SELENOT: variants seen among roughly 807,000 people sequenced by gnomAD.
SELENOT encodes the protein thioredoxin reductase-like selenoprotein T.
In SELENOT, 9 loss-of-function variants were observed where a neutral mutation model predicts 24.3. The observed-to-expected ratio is 0.37, with a 90% CI of 0.22 to 0.65. The LOEUF (loss-of-function observed/expected upper bound fraction) is 0.65, where lower values mean the gene tolerates loss of function less well. SELENOT is among the 30% of genes least tolerant of loss of function. The pLI is 0.60. For synonymous variants in SELENOT, 81 were observed against 86.0 expected (o/e 0.94, Z 0.32); for missense variants, 166 against 247.6 (o/e 0.67, Z 2.21).
intron 1 of SELENOT, among the ~76,000 whole-genome samples, chr3:150,607,957 T>C (rs1726003436): frequency 6.6e-6 from 1 of 152,110 alleles, no homozygotes; most frequent in Admixed American, 6.5e-5. Context: ...AGGCAAGAGA[T>C]AATGGAACTT....
At chr3:150,619,047 T>C (rs966000880) in intron 1 of SELENOT, 4 of 151,302 alleles carry the variant, frequency 2.6e-5, no homozygotes, top group Admixed American at 2.6e-4. Flanking sequence ...ATTTGCAAAG[T>C]GATAGCACTT....
chr3:150,624,766 A>G, intron 3 of SELENOT, 46 bp from the exon 4 acceptor site: 3 of 1,222,596 alleles, frequency 2.5e-6, no homozygotes, highest in South Asian at 1.4e-5. Context: ...AAGAGCATTT[A>G]CCAAACATGA....
chr3:150,610,447 C>G (rs558560444), intron 1 of SELENOT, among the ~76,000 whole-genome samples: 2 of 152,248 alleles, frequency 1.3e-5, no homozygotes, highest in East Asian at 3.9e-4. Context: ...TTCAATCAGT[C>G]TATTAGACTG....
At chr3:150,616,435 T>G (rs1191432679) in intron 1 of SELENOT, among the ~76,000 whole-genome samples, 1 of 142,884 alleles carries the variant, frequency 7.0e-6, no homozygotes, top group Admixed American at 7.0e-5. Flanking sequence ...GGGAGAAAAT[T>G]TTCACAACCT....
chr3:150,612,308 G>C lies in SELENOT; in HGVS notation c.137+8809G>C, dbSNP rs377348419. ...GGGTTTCGGCATGTTTATCAGGCTGGTCTCAAACTCCTGACCCTAAGTGAT... is the reference window on the plus strand; with the variant it reads ...GGGTTTCGGCATGTTTATCAGGCTGCTCTCAAACTCCTGACCCTAAGTGAT... On this transcript the variant is annotated intron_variant, in intron 1 of 5. Coordinates refer to ENST00000471696, the MANE Select transcript of SELENOT (RefSeq NM_016275.5). Among the ~76,000 whole-genome samples the C allele has an allele frequency of 4.6e-5, 7 of 152,230 alleles. No individual in the cohort carries two copies. The South Asian group carries it at 1.4e-3, about 32-fold the overall frequency.
At position 150,603,871 on chromosome 3, in the gene SELENOT, G is replaced by A. The variant is rs141931069; in HGVS notation, c.137+372G>A. 3.8e-3 allele frequency among the ~76,000 whole-genome samples: 573 copies of A among 152,386 alleles called. 2 individuals carry two copies. The highest frequency in any genetic ancestry group is 0.01 in the Middle Eastern group (3 of 294). On this transcript the variant is annotated intron_variant, in intron 1 of 5. Coordinates refer to ENST00000471696, the MANE Select transcript of SELENOT (RefSeq NM_016275.5). ...ATGGGGATGAGTAGGCGCCGCGTCG[G>A]CGGAGGAGCGCCAACCGTTTGTCAG...
Position 150,603,392 on chromosome 3 carries a change from G to C in SELENOT, c.30G>C (p.Ala10=). 6.2e-7 allele frequency: 1 copy of C among 1,613,000 alleles called. No homozygotes were observed. The highest frequency in any genetic ancestry group is 8.5e-7 in the Non-Finnish European group (1 of 1,179,224). MRLLLLLLV[A]ASAMVRSEAS... is the part of the protein sequence containing the mutation. ...GGCTTCTGCTGCTTCTCCTAGTGGC[G>C]GCGTCTGCGATGGTCCGGAGCGAGG... Residue 10 remains alanine, a synonymous_variant, in exon 1 of 6, where the codon GCG becomes GCC. Coordinates refer to ENST00000471696, the MANE Select transcript of SELENOT (RefSeq NM_016275.5).
At chr3:150,617,773 TAAAAAAAAAC>T (rs1726250628) in intron 1 of SELENOT, among the ~76,000 whole-genome samples, 3 of 128,732 alleles carry the variant, frequency 2.3e-5, no homozygotes, top group Admixed American at 7.7e-5. Flanking sequence ...TTATGCAACT[TAAAAAAAAAC>T]AAAAAAAAAC....
chr3:150,611,140 A>T (rs1726080823), intron 1 of SELENOT: 5 of 612,810 alleles, frequency 8.2e-6, no homozygotes, highest in East Asian at 5.9e-5. Context: ...TATTAGAGTC[A>T]GAAACAAAGA....
intron 1 of SELENOT, 41 bp from the exon 2 acceptor site, chr3:150,622,344 G>A (rs903330891): frequency 5.3e-6 from 5 of 950,340 alleles, no homozygotes; most frequent in African/African-American, 3.4e-5. Flanking sequence ...AAATCTAGAT[G>A]TATGCTAAAT....
intron 3 of SELENOT, 67 bp downstream of exon 3, chr3:150,623,236 T>G: frequency 7.4e-7 from 1 of 1,342,600 alleles, no homozygotes; most frequent in Non-Finnish European, 9.8e-7. Context: ...CTAATAGATT[T>G]TCTTATTTTG....
chr3:150,611,973 T>G, intron 1 of SELENOT: 1 of 617,544 alleles, frequency 1.6e-6, no homozygotes, highest in Non-Finnish European at 2.7e-6. Context: ...GTTAGCTGCA[T>G]GGCAGAACAC....
intron 1 of SELENOT, among the ~76,000 whole-genome samples, chr3:150,620,899 T>C (rs532325583): frequency 2.0e-5 from 3 of 152,356 alleles, no homozygotes; most frequent in Admixed American, 6.5e-5. Flanking sequence ...AAAAGATTAA[T>C]ACATTTTTTT....
intron 1 of SELENOT, among the ~76,000 whole-genome samples, chr3:150,614,264 G>A (rs1726164113): frequency 6.6e-6 from 1 of 152,168 alleles, no homozygotes; most frequent in Non-Finnish European, 1.5e-5. Context: ...ACTAGTGAGA[G>A]GAAGCTCAAG....
intron 1 of SELENOT, among the ~76,000 whole-genome samples, chr3:150,604,810 C>T (rs1414853293): frequency 6.6e-6 from 1 of 152,078 alleles, no homozygotes; most frequent in Admixed American, 6.6e-5. Context: ...CCGAGGCTAG[C>T]GGATCACCTG....
intron 1 of SELENOT, among the ~76,000 whole-genome samples, chr3:150,604,308 C>T (rs927796490): frequency 2.6e-5 from 4 of 152,210 alleles, no homozygotes; most frequent in Non-Finnish European, 4.4e-5. Flanking sequence ...TCGTTAGAAG[C>T]AGGGCAATGA....
intron 1 of SELENOT, among the ~76,000 whole-genome samples, chr3:150,613,322 G>A (rs927478827): frequency 6.6e-6 from 1 of 152,142 alleles, no homozygotes; most frequent in Non-Finnish European, 1.5e-5. Flanking sequence ...GTTGCATTAG[G>A]ATTATTTTCA....
At chr3:150,613,456 C>G (rs1253532704) in intron 1 of SELENOT, among the ~76,000 whole-genome samples, 1 of 152,014 alleles carries the variant, frequency 6.6e-6, no homozygotes, top group Non-Finnish European at 1.5e-5. Context: ...TAATAACTTA[C>G]TAGTCTTAAG....
intron 1 of SELENOT, among the ~76,000 whole-genome samples, chr3:150,605,090 T>A: frequency 6.6e-6 from 1 of 151,198 alleles, no homozygotes; most frequent in Admixed American, 6.6e-5. Flanking sequence ...CTGGAATATA[T>A]CATCTTTCAT....
Sources: allele counts gnomAD v4.1 joint callset (sites outside exome capture counted in the v4.1 genomes callset), GRCh38; gene constraint gnomAD v4.1.1; transcripts MANE v1.5; gene names NCBI Gene and HGNC (gene_info 2026-07-23, HGNC 2026-07-21).